TBC1D22B: variants seen among roughly 807,000 people sequenced by gnomAD.
TBC1D22B encodes chromosome 6 open reading frame 197.
In TBC1D22B, 32 loss-of-function variants were observed where a neutral mutation model predicts 69.1. The observed-to-expected ratio is 0.46, with a 90% CI of 0.35 to 0.62. The LOEUF is 0.62. TBC1D22B is among the 20% of genes least tolerant of loss of function. The pLI is 0.00. For synonymous variants in TBC1D22B, 206 were observed against 229.8 expected, an observed-to-expected ratio of 0.90 and a Z score of 0.94; for missense variants, 462 against 630.9, an observed-to-expected ratio of 0.73 and a Z score of 2.87.
At chr6:37,286,970 G>A (rs1767025910) in intron 6 of TBC1D22B, 37 bp from the exon 7 acceptor site, 1 of 1,565,356 alleles carries the variant, frequency 6.4e-7, no homozygotes, top group African/African-American at 1.5e-5. Flanking sequence ...AAAAAAAACT[G>A]GCATTTGTGT....
intron 8 of TBC1D22B, among the ~76,000 whole-genome samples, chr6:37,296,506 A>T (rs887634803): frequency 1.3e-5 from 2 of 151,982 alleles, no homozygotes; most frequent in African/African-American, 4.8e-5. Flanking sequence ...GTGCCATCAC[A>T]TTTGGCTAAT....
At chr6:37,295,633 G>A in intron 8 of TBC1D22B, 1 of 434,580 alleles carries the variant, frequency 2.3e-6, no homozygotes, top group Non-Finnish European at 4.7e-6. Context: ...TATTATCAAT[G>A]GCACTGTCAT....
chr6:37,315,348 G>A (rs1212350723), intron 10 of TBC1D22B, among the ~76,000 whole-genome samples: 2 of 152,064 alleles, frequency 1.3e-5, no homozygotes, highest in Non-Finnish European at 2.9e-5. Context: ...CTTGAGCCCA[G>A]GAGTTCAAGA....
At chr6:37,270,703 G>T (rs376155) in intron 2 of TBC1D22B, among the ~76,000 whole-genome samples, 2 of 152,076 alleles carry the variant, frequency 1.3e-5, no homozygotes, top group African/African-American at 2.4e-5. Flanking sequence ...CTATTTGGGG[G>T]CATGCTTAAT....
intron 2 of TBC1D22B, among the ~76,000 whole-genome samples, chr6:37,271,021 T>C (rs73419858): frequency 0.032 from 4,836 of 152,044 alleles, 243 homozygotes; most frequent in African/African-American, 0.11. Flanking sequence ...ACTATAAAAA[T>C]GGTGGATACT....
intron 8 of TBC1D22B, among the ~76,000 whole-genome samples, chr6:37,304,608 A>G (rs1237955905): frequency 6.6e-6 from 1 of 152,228 alleles, no homozygotes; most frequent in African/African-American, 2.4e-5. Context: ...AATGAGAGCA[A>G]AGTTTACCTA....
At chr6:37,323,083 A>G (rs1369027702) in intron 12 of TBC1D22B, among the ~76,000 whole-genome samples, 1 of 144,300 alleles carries the variant, frequency 6.9e-6, no homozygotes, top group Non-Finnish European at 1.5e-5. Context: ...ATCTCGGGAA[A>G]GCAGCAGCAG....
chr6:37,303,829 C>T (rs527842844), intron 8 of TBC1D22B, among the ~76,000 whole-genome samples: 13 of 152,302 alleles, frequency 8.5e-5, no homozygotes, highest in South Asian at 6.2e-4. Context: ...CCCTGACCCC[C>T]GGCATCTAAT....
intron 2 of TBC1D22B, among the ~76,000 whole-genome samples, chr6:37,273,351 C>T (rs1275603763): frequency 6.6e-6 from 1 of 152,186 alleles, no homozygotes. Context: ...CTAGCACAAC[C>T]TTTGACAAAC....
Position 37,331,371 on chromosome 6 carries a change from A to G in TBC1D22B, c.*199A>G. The G allele has an allele frequency of 1.8e-6, 1 of 552,020 alleles. No homozygotes were observed. The highest frequency in any genetic ancestry group is 3.2e-6 in the Non-Finnish European group (1 of 307,736). 34.2% of individuals were successfully genotyped at this position (552,020 alleles called of 1,614,324 possible). On this transcript the variant is annotated 3_prime_UTR_variant, in exon 13 of 13. Transcript: ENST00000373491. ...TCACTTGGACCACTGTCAGTATTCC[A>G]TGCCGCGTGGATGGGCCCAGTTCTG...
At chr6:37,273,290 C>T (rs1766558918) in intron 2 of TBC1D22B, among the ~76,000 whole-genome samples, 1 of 151,890 alleles carries the variant, frequency 6.6e-6, no homozygotes, top group African/African-American at 2.4e-5. Flanking sequence ...TACATGTAAC[C>T]ACAACCATTC....
rs1225591460 is a variant in TBC1D22B at position 37,331,157 on chromosome 6, T to A, written c.1503T>A (p.Asn501Lys). 1.2e-6 allele frequency: 2 copies of A among 1,612,990 alleles called. No individual in the cohort carries two copies. Among genetic ancestry groups the A allele is most frequent in the Admixed American group, 1.7e-5 (1 of 60,002 alleles). The change falls in exon 13 of 13, where the codon AAT becomes AAA. Residue 501 changes from asparagine to lysine, a missense_variant. By Grantham distance (94) the Asn-to-Lys change is moderately conservative (BLOSUM62 0). Transcript: ENST00000373491. Reference sequence around the variant, plus strand: ...AGTACATGTTTGCCGATGCCCCAAATCACTACCGCCGATAGGTGCTGTCTC... The same window carrying A: ...AGTACATGTTTGCCGATGCCCCAAAACACTACCGCCGATAGGTGCTGTCTC... ...RLKYMFADAP[N>K]HYRR is the part of the protein sequence containing the mutation.
At chr6:37,323,065 A>G (rs17432174) in intron 12 of TBC1D22B, among the ~76,000 whole-genome samples, 20,571 of 152,022 alleles carry the variant, frequency 0.14, 1,848 homozygotes, top group Non-Finnish European at 0.2. Flanking sequence ...ACTCTATTCT[A>G]AAAAGTCATC....
At chr6:37,297,807 A>T (rs1361262181) in intron 8 of TBC1D22B, among the ~76,000 whole-genome samples, 2 of 152,258 alleles carry the variant, frequency 1.3e-5, no homozygotes, top group East Asian at 3.8e-4. Flanking sequence ...AATGCCCATC[A>T]ATGATAGACT....
At chr6:37,288,345 A>G (rs1767070987) in intron 7 of TBC1D22B, among the ~76,000 whole-genome samples, 1 of 152,142 alleles carries the variant, frequency 6.6e-6, no homozygotes, top group Admixed American at 6.5e-5. Flanking sequence ...TTTAACTTGG[A>G]GATGTTCAGA....
chr6:37,282,901 C>T lies in TBC1D22B; in HGVS notation c.621C>T (p.Ser207=). The change falls in exon 5 of 13, where the codon AGC becomes AGT. Residue 207 remains serine (S), a synonymous_variant. Coordinates refer to ENST00000373491, the MANE Select transcript of TBC1D22B (RefSeq NM_017772.4). ...TTACAGATGAACTGAGGAAGTGTAG[C>T]TGGCCAGGGGTTCCCAGGGAGGTTC... is the stretch of plus-strand genomic sequence containing the variant. ...NTDLDELRKC[S]WPGVPREVRP... is the part of the protein sequence containing the mutation. 1 of 1,614,088 alleles carries T rather than the reference C, an allele frequency of 6.2e-7. No individual in the cohort carries two copies. Among genetic ancestry groups the T allele is most frequent in the Non-Finnish European group, 8.5e-7 (1 of 1,179,962 alleles).
At position 37,323,279 on chromosome 6, in the gene TBC1D22B, G is replaced by A. The variant is rs142403091; in HGVS notation, c.1389+6073G>A. Among the ~76,000 whole-genome samples the A allele has an allele frequency of 8.1e-4, 124 of 152,296 alleles. 3 individuals are homozygous for A. In the East Asian group the frequency reaches 0.017, roughly 21 times the overall value. On this transcript the variant is annotated intron_variant, in intron 12 of 12. Coordinates refer to ENST00000373491, the MANE Select transcript of TBC1D22B (RefSeq NM_017772.4). ...GCAGTGGCTCATGCCTGTAATCCCA[G>A]CGCTTTGGGAGACTGAGGCAGGAGG...
At chr6:37,284,266 G>A in intron 5 of TBC1D22B, 70 bp from the exon 6 acceptor site, 2 of 1,609,096 alleles carry the variant, frequency 1.2e-6, no homozygotes, top group South Asian at 2.2e-5. Context: ...CCACTGCATA[G>A]ATTAAAATAA....
chr6:37,282,331 C>T lies in TBC1D22B; in HGVS notation c.568C>T (p.Arg190Cys), dbSNP rs754838203. 2.5e-6 allele frequency: 4 copies of T among 1,612,606 alleles called. No individual in the cohort carries two copies. Among genetic ancestry groups the T allele is most frequent in the Non-Finnish European group, 3.4e-6 (4 of 1,179,124 alleles). The change falls in exon 4 of 13, where the codon CGT becomes TGT. Residue 190 changes from arginine to cysteine, a missense_variant. Arg to Cys is a radical substitution (Grantham distance 180). Around this residue, in one of 2 missense-constraint regions of TBC1D22B, gnomAD observed 237 missense variants for 255.4 expected, o/e 0.93. Coordinates refer to ENST00000373491, the MANE Select transcript of TBC1D22B (RefSeq NM_017772.4). ...GGAGAAAACCCGCCTAGAAAAATTC[C>T]GTCAACTTCTCTCCAGCCAGAACAC... is the stretch of plus-strand genomic sequence containing the variant. The part of the protein sequence containing the change: ...VREKTRLEKF[R>C]QLLSSQNTDL...
Sources: allele counts gnomAD v4.1 joint callset (sites outside exome capture counted in the v4.1 genomes callset), GRCh38; gene constraint gnomAD v4.1.1; regional missense constraint gnomAD v4.1.1; transcripts MANE v1.5; gene names NCBI Gene and HGNC (gene_info 2026-07-23, HGNC 2026-07-21).